The following PLA1A variants were observed in gnomAD, a reference collection of about 807,000 sequenced individuals.
PLA1A encodes the protein phosphatidylserine-specific phospholipase A1alpha.
A neutral mutation model predicts 49.4 loss-of-function variants in PLA1A; 47 were observed. The observed-to-expected ratio is 0.95, with a 90% CI of 0.75 to 1.21. PLA1A has a LOEUF of 1.21. Ranked by LOEUF, PLA1A falls within the 50% of genes most tolerant of loss-of-function variation. The pLI is 0.00. For synonymous variants in PLA1A, 224 were observed against 207.9 expected, an observed-to-expected ratio of 1.08 and a Z score of -0.67; for missense variants, 561 against 563.9, an observed-to-expected ratio of 0.99 and a Z score of 0.05.
In PLA1A at chr3:119,618,447, C is replaced by A. The variant is rs188801149; in HGVS notation, c.922+261C>A. ...CTTCCCACATACAGGTTCCTCCACT[C>A]TCAGACCAGATGCTGCCTATAGGTC... On this transcript the variant is annotated intron_variant, in intron 7 of 10. Transcript: ENST00000273371. Among the ~76,000 whole-genome samples the A allele has an allele frequency of 1.5e-4, 23 of 152,330 alleles. 4 individuals carry two copies. The highest frequency in any genetic ancestry group is 5.5e-4 in the African/African-American group (23 of 41,576).
In PLA1A at chr3:119,609,450, C is replaced by T. The variant is rs781172497; in HGVS notation, c.454-18C>T. 1.3e-6 allele frequency: 2 copies of T among 1,506,144 alleles called. No homozygotes were observed. Among genetic ancestry groups the T allele is most frequent in the Non-Finnish European group, 1.8e-6 (2 of 1,081,482 alleles). The allele number at this position is 1,506,144 out of a possible 1,614,324, so 93.3% of individuals were successfully genotyped here. On this transcript the variant is annotated intron_variant, in intron 3 of 10. Transcript: ENST00000273371. ...GACTCTGTGGCCCACGGGGAACTCA[C>T]TGTTCCTGCTCTTCTAGGTGCTGGG...
At chr3:119,619,800 T>C in intron 8 of PLA1A, 148 bp downstream of exon 8, 1 of 656,934 alleles carries the variant, frequency 1.5e-6, no homozygotes, top group East Asian at 2.7e-5. Flanking sequence ...ACCAAAACTT[T>C]CAGAGTGAGT....
At chr3:119,600,160 A>G in intron 1 of PLA1A, 1 of 528,272 alleles carries the variant, frequency 1.9e-6, no homozygotes, top group Non-Finnish European at 3.4e-6. Flanking sequence ...GGAGGTATCC[A>G]GGTGCCTGCT....
chr3:119,624,171 A>T, intron 8 of PLA1A, among the ~76,000 whole-genome samples: 1 of 152,248 alleles, frequency 6.6e-6, no homozygotes, highest in Non-Finnish European at 1.5e-5. Context: ...CCGGCACTCC[A>T]TGTCTATAAG....
chr3:119,625,249 C>G lies in PLA1A; in HGVS notation c.1121+17C>G. On this transcript the variant is annotated intron_variant, in intron 9 of 10. Transcript: ENST00000273371. ...GATCACCATGTACGTAAGTGTCCCA[C>G]CTGGTTGACTCCTCCCCTTAGGAGT... The G allele has an allele frequency of 6.8e-7, 1 of 1,476,374 alleles. No homozygotes were observed. Among genetic ancestry groups the G allele is most frequent in the Non-Finnish European group, 9.5e-7 (1 of 1,054,588 alleles). 91.5% of individuals were successfully genotyped at this position (1,476,374 alleles called of 1,614,324 possible).
chr3:119,620,074 A>C, intron 8 of PLA1A: 1 of 458,266 alleles, frequency 2.2e-6, no homozygotes, highest in South Asian at 1.5e-5. Flanking sequence ...TCCCCTTCAC[A>C]GATGCATTCC....
chr3:119,620,329 T>TACAG, intron 8 of PLA1A: 1 of 330,050 alleles, frequency 3.0e-6, no homozygotes, highest in Non-Finnish European at 6.0e-6. Flanking sequence ...CCGGCTTGGA[T>TACAG]GATAAACAAC....
Position 119,613,016 on chromosome 3 carries a change from G to C in PLA1A, c.563-1G>C, listed in dbSNP as rs1325784402. On this transcript the variant is annotated splice_acceptor_variant, in intron 4 of 10. Coordinates refer to ENST00000273371, the MANE Select transcript of PLA1A (RefSeq NM_015900.4). LOFTEE classifies it high-confidence loss of function. ...TCCCTCATATCAGTCTCTTCTCACA[G>C]GCCTGGACCCCGCTGGACCTGAGTA... is the stretch of plus-strand genomic sequence containing the variant. The C allele has an allele frequency of 6.3e-7, 1 of 1,582,682 alleles. No individual in the cohort carries two copies.
intron 1 of PLA1A, among the ~76,000 whole-genome samples, chr3:119,599,746 G>C (rs888739872): frequency 1.1e-4 from 17 of 152,094 alleles, no homozygotes; most frequent in Admixed American, 1.1e-3. Flanking sequence ...GTATTTCCTT[G>C]CCTGGTCTTC....
At chr3:119,614,704 A>G (rs1267259684) in intron 5 of PLA1A, among the ~76,000 whole-genome samples, 1 of 151,806 alleles carries the variant, frequency 6.6e-6, no homozygotes, top group African/African-American at 2.4e-5. Flanking sequence ...AAGGCCTCTC[A>G]GGCCCCTTCA....
Position 119,606,922 on chromosome 3 carries a change from A to G in PLA1A, c.222A>G (p.Gln74=). ...TAGTAGAAGGAAGCAGTGACCTCCA[A>G]AACTCTGGGTTCAATGCCACTCTGG... ...GQLVEGSSDL[Q]NSGFNATLGT... is the part of the protein sequence containing the mutation. The change falls in exon 2 of 11, where the codon CAA becomes CAG. Residue 74 remains glutamine, a synonymous_variant. Transcript: ENST00000273371. 6.2e-7 allele frequency: 1 copy of G among 1,614,144 alleles called. No individual in the cohort carries two copies. Among genetic ancestry groups the G allele is most frequent in the East Asian group, 2.2e-5 (1 of 44,884 alleles).
Position 119,611,672 on chromosome 3 carries a change from A to G in PLA1A, c.563-1345A>G, listed in dbSNP as rs183432337. Among the ~76,000 whole-genome samples, 126 of 152,238 alleles carry G rather than the reference A, an allele frequency of 8.3e-4. 1 individual carries two copies. The highest frequency in any genetic ancestry group is 3.0e-3 in the African/African-American group (123 of 41,560). ...GGCTCTCAGCTTGAATGTTATTGGT[A>G]CATAGAAATGCAACTGACTTTTGTA... is the stretch of plus-strand genomic sequence containing the variant. On this transcript the variant is annotated intron_variant, in intron 4 of 10. Transcript: ENST00000273371.
chr3:119,627,434 T>A (rs1025810869), intron 9 of PLA1A, among the ~76,000 whole-genome samples: 2 of 152,206 alleles, frequency 1.3e-5, no homozygotes, highest in African/African-American at 4.8e-5. Context: ...CTCTGTAATA[T>A]TTCAAAAGAC....
Position 119,625,243 on chromosome 3 carries a change from G to A in PLA1A, c.1121+11G>A. 1 of 1,534,378 alleles carries A rather than the reference G, an allele frequency of 6.5e-7. No homozygotes were observed. The highest frequency in any genetic ancestry group is 9.0e-7 in the Non-Finnish European group (1 of 1,107,542). ...ATCTAAGATCACCATGTACGTAAGTGTCCCACCTGGTTGACTCCTCCCCTT... is the reference window on the plus strand; with the variant it reads ...ATCTAAGATCACCATGTACGTAAGTATCCCACCTGGTTGACTCCTCCCCTT... On this transcript the variant is annotated intron_variant, in intron 9 of 10. Coordinates refer to ENST00000273371, the MANE Select transcript of PLA1A (RefSeq NM_015900.4).
Position 119,608,854 on chromosome 3 carries a change from C to T in PLA1A, c.360C>T (p.Asp120=). Residue 120 remains aspartate (D), a synonymous_variant, in exon 3 of 11, where the codon GAC becomes GAT. Coordinates refer to ENST00000273371, the MANE Select transcript of PLA1A (RefSeq NM_015900.4). ...RATNANVIAV[D]WIYGSTGVYF... ...CGAATGCTAATGTGATTGCCGTGGA[C>T]TGGATTTATGGGTCTACAGGAGTCT... The T allele has an allele frequency of 6.2e-7, 1 of 1,613,620 alleles. No individual in the cohort carries two copies. The highest frequency in any genetic ancestry group is 8.5e-7 in the Non-Finnish European group (1 of 1,179,508).
intron 2 of PLA1A, 128 bp from the exon 3 acceptor site, chr3:119,608,642 A>G: frequency 1.3e-6 from 1 of 749,502 alleles, no homozygotes. Flanking sequence ...ACTGTGTAAT[A>G]AACTCCTCAT....
intron 4 of PLA1A, among the ~76,000 whole-genome samples, chr3:119,609,911 A>G (rs2082742849): frequency 1.3e-5 from 2 of 152,266 alleles, no homozygotes; most frequent in Admixed American, 6.5e-5. Context: ...CAGGTTTCTA[A>G]TGATCTCATT....
chr3:119,606,350 G>T (rs1464957607), intron 1 of PLA1A, among the ~76,000 whole-genome samples: 2 of 152,154 alleles, frequency 1.3e-5, no homozygotes, highest in Non-Finnish European at 2.9e-5. Context: ...TTTATATAAA[G>T]ATAATAGTCA....
At chr3:119,608,247 A>AGAAAGAAG (rs1473995996) in intron 2 of PLA1A, among the ~76,000 whole-genome samples, 1 of 44,144 alleles carries the variant, frequency 2.3e-5, no homozygotes, top group East Asian at 3.7e-4. Context: ...AAAGAGAGAA[A>AGAAAGAAG]GAAAGAAAGA....
Sources: gnomAD v4.1 joint callset for allele counts (sites outside exome capture counted in the v4.1 genomes callset) on GRCh38, gnomAD v4.1.1 for gene constraint, MANE v1.5 for transcripts, NCBI Gene and HGNC (gene_info 2026-07-23, HGNC 2026-07-21) for gene names.